The following PIK3C2G variants were observed in gnomAD, a reference collection of about 807,000 sequenced individuals.
The protein encoded by PIK3C2G is phosphatidylinositol 3-kinase C2 domain-containing subunit gamma.
In PIK3C2G, 168 loss-of-function variants were observed where a neutral mutation model predicts 181.1. The ratio of observed to expected loss-of-function variants is 0.93; its 90% CI spans 0.82 to 1.05. PIK3C2G has a LOEUF of 1.05. Ranked by LOEUF, PIK3C2G falls within the 50% of genes least tolerant of loss-of-function variation. The pLI, the probability that PIK3C2G is intolerant of heterozygous loss-of-function variation, is 0.00. For synonymous variants in PIK3C2G, 573 were observed against 592.2 expected (o/e 0.97, Z 0.47); for missense variants, 1,869 against 1,732.8 (o/e 1.08, Z -1.40).
At chr12:18,653,434 C>T in the PIK3C2G span, among the ~76,000 whole-genome samples, 1 of 152,106 alleles carries the variant, frequency 6.6e-6, no homozygotes, top group African/African-American at 2.4e-5. Flanking sequence ...GCTTCTTGGC[C>T]AAGTCTCACC....
At chr12:18,268,519 A>C (rs10841004) in intron 1 of PIK3C2G, among the ~76,000 whole-genome samples, 56,656 of 151,800 alleles carry the variant, frequency 0.37, 10,674 homozygotes, top group Non-Finnish European at 0.41. Context: ...AAGTTTTCTG[A>C]ATTTTTCTAC....
the PIK3C2G span, among the ~76,000 whole-genome samples, chr12:18,702,519 T>C: frequency 6.6e-6 from 1 of 152,164 alleles, no homozygotes; most frequent in East Asian, 1.9e-4. Context: ...GGAGCTTTGA[T>C]TGTCCTTTCT....
intron 5 of PIK3C2G, among the ~76,000 whole-genome samples, chr12:18,310,609 G>T (rs1950597922): frequency 6.6e-6 from 1 of 151,744 alleles, no homozygotes; most frequent in Admixed American, 6.6e-5. Flanking sequence ...AATTGAGATT[G>T]CAATAGAAAA....
upstream of PIK3C2G, among the ~76,000 whole-genome samples, chr12:18,246,417 A>C (rs1449152209): frequency 6.6e-6 from 1 of 152,208 alleles, no homozygotes; most frequent in African/African-American, 2.4e-5. Context: ...AGTCCAATTT[A>C]TATATTATAG....
At chr12:18,499,991 C>T (rs1281989090) in intron 22 of PIK3C2G, among the ~76,000 whole-genome samples, 1 of 152,254 alleles carries the variant, frequency 6.6e-6, no homozygotes, top group African/African-American at 2.4e-5. Context: ...GCTGGCAGTC[C>T]TCACAGCCCT....
At chr12:18,596,966 T>C (rs975065386) in intron 30 of PIK3C2G, among the ~76,000 whole-genome samples, 7 of 152,262 alleles carry the variant, frequency 4.6e-5, no homozygotes, top group African/African-American at 1.7e-4. Context: ...AGCTTTAACA[T>C]AGTAGCCATT....
Position 18,643,127 on chromosome 12 carries a change from A to T in PIK3C2G, c.4308+2573A>T, listed in dbSNP as rs115412452. ...TTAAATAAACTTGTGTTTTATTTCAAGCTTTATGTATTATAAGAAAACAGT... is the reference window on the plus strand; with the variant it reads ...TTAAATAAACTTGTGTTTTATTTCATGCTTTATGTATTATAAGAAAACAGT... On this transcript the variant is annotated intron_variant, in intron 32 of 32. Transcript: ENST00000538779. Among the ~76,000 whole-genome samples, 825 of 152,260 alleles carry T rather than the reference A, an allele frequency of 5.4e-3. 9 individuals are homozygous for T. Among genetic ancestry groups the T allele is most frequent in the African/African-American group, 0.019 (794 of 41,562 alleles).
rs371722004 is a variant in PIK3C2G at position 18,374,171 on chromosome 12, C to T, written c.1880+2860C>T. ...CAAAGCCCAAGCATGCCCAAAGATTCTAATTTGATTGGTCTGTGACCTGGC... is the reference window on the plus strand; with the variant it reads ...CAAAGCCCAAGCATGCCCAAAGATTTTAATTTGATTGGTCTGTGACCTGGC... On this transcript the variant is annotated intron_variant, in intron 13 of 32. Transcript: ENST00000538779. Among the ~76,000 whole-genome samples the T allele has an allele frequency of 2.6e-5, 4 of 152,256 alleles. No individual in the cohort carries two copies. In the East Asian group the frequency reaches 7.7e-4, roughly 29 times the overall value.
chr12:18,331,498 A>T (rs1248152318), intron 8 of PIK3C2G, among the ~76,000 whole-genome samples: 1 of 152,050 alleles, frequency 6.6e-6, no homozygotes, highest in Non-Finnish European at 1.5e-5. Context: ...ACTCACTTTC[A>T]TATATTGACC....
At position 18,443,140 on chromosome 12, in the gene PIK3C2G, G is replaced by A. The variant is rs537987971; in HGVS notation, c.2504+19101G>A. ...CCTGCCTTGGCCTCCCAAAGGGCTGGGATTACAGGCATGAGCCACCATGCC... is the reference window on the plus strand; with the variant it reads ...CCTGCCTTGGCCTCCCAAAGGGCTGAGATTACAGGCATGAGCCACCATGCC... On this transcript the variant is annotated intron_variant, in intron 18 of 32. Coordinates refer to ENST00000538779, the MANE Select transcript of PIK3C2G (RefSeq NM_001288772.2). 3.3e-5 allele frequency among the ~76,000 whole-genome samples: 5 copies of A among 152,210 alleles called. No individual in the cohort carries two copies. In the South Asian group the frequency reaches 1.0e-3, roughly 32 times the overall value.
chr12:18,668,939 A>G, the PIK3C2G span, among the ~76,000 whole-genome samples: 11 of 152,120 alleles, frequency 7.2e-5, no homozygotes, highest in Non-Finnish European at 1.5e-5. Context: ...TAGATGTGCA[A>G]GAAAAAATCG....
At chr12:18,582,368 CT>C (rs1946543369) in intron 29 of PIK3C2G, among the ~76,000 whole-genome samples, 1 of 152,118 alleles carries the variant, frequency 6.6e-6, no homozygotes, top group Non-Finnish European at 1.5e-5. Flanking sequence ...TCACATGGAT[CT>C]TTGCAACCCT....
At chr12:18,386,790 T>A (rs1943197336) in intron 14 of PIK3C2G, among the ~76,000 whole-genome samples, 1 of 152,234 alleles carries the variant, frequency 6.6e-6, no homozygotes, top group Non-Finnish European at 1.5e-5. Context: ...TGTATGGACA[T>A]GTTTTTGTGT....
At chr12:18,554,498 T>C (rs1944898493) in intron 26 of PIK3C2G, among the ~76,000 whole-genome samples, 1 of 151,814 alleles carries the variant, frequency 6.6e-6, no homozygotes, top group African/African-American at 2.4e-5. Flanking sequence ...ATTACATACA[T>C]GTGCAACCAA....
chr12:18,430,850 A>T (rs1946115389), intron 18 of PIK3C2G, among the ~76,000 whole-genome samples: 1 of 152,202 alleles, frequency 6.6e-6, no homozygotes, highest in Non-Finnish European at 1.5e-5. Flanking sequence ...GAAATGAATT[A>T]AGCCAATGTT....
rs140345512 is a variant in PIK3C2G, at chr12:18,475,307, T to G, written c.2505-13142T>G. ...TCTTACAACAGGCTTTTGAAAATTC[T>G]TTAGAGATAAATGCTTAGATTACTT... is the stretch of plus-strand genomic sequence containing the variant. On this transcript the variant is annotated intron_variant, in intron 18 of 32. Coordinates refer to ENST00000538779, the MANE Select transcript of PIK3C2G (RefSeq NM_001288772.2). 3.3e-3 allele frequency among the ~76,000 whole-genome samples: 496 copies of G among 151,734 alleles called. 8 individuals are homozygous for G. The highest frequency in any genetic ancestry group is 8.1e-4 in the Non-Finnish European group (55 of 67,874).
chr12:18,294,908 T>C (rs1000982709), intron 5 of PIK3C2G, among the ~76,000 whole-genome samples: 2 of 151,876 alleles, frequency 1.3e-5, no homozygotes, highest in Admixed American at 6.6e-5. Context: ...ATGAATGTGC[T>C]TGAAATTATC....
At chr12:18,290,824 C>G in intron 3 of PIK3C2G, 31 bp from the exon 4 acceptor site, 25 of 1,444,504 alleles carry the variant, frequency 1.7e-5, no homozygotes, top group Non-Finnish European at 2.4e-5. Context: ...AGGTCTTGTC[C>G]TAAGTATTTT....
At chr12:18,516,957 G>C (rs1213825446) in intron 24 of PIK3C2G, among the ~76,000 whole-genome samples, 2 of 150,822 alleles carry the variant, frequency 1.3e-5, no homozygotes, top group East Asian at 3.9e-4. Context: ...ACATTTTATA[G>C]AACTTCAATT....
Sources: gnomAD v4.1 joint callset for allele counts (sites outside exome capture counted in the v4.1 genomes callset) on GRCh38, gnomAD v4.1.1 for gene constraint, MANE v1.5 for transcripts, NCBI Gene and HGNC (gene_info 2026-07-23, HGNC 2026-07-21) for gene names.